TMEM182: variants seen among roughly 807,000 people sequenced by gnomAD.
The protein encoded by TMEM182 is transmembrane protein 182.
TMEM182 carries 20 observed loss-of-function variants against 26.8 expected under a neutral mutation model. The observed-to-expected ratio is 0.75, with a 90% CI of 0.53 to 1.09. TMEM182 has a LOEUF of 1.09. Ranked by LOEUF, TMEM182 falls within the 50% of genes least tolerant of loss-of-function variation. The pLI is 0.00. For synonymous variants in TMEM182, 109 were observed against 102.2 expected, an observed-to-expected ratio of 1.07 and a Z score of -0.40; for missense variants, 277 against 275.5, an observed-to-expected ratio of 1.01 and a Z score of -0.04.
downstream of TMEM182, among the ~76,000 whole-genome samples, chr2:102,821,379 G>A (rs147622525): frequency 6.6e-6 from 1 of 152,186 alleles, no homozygotes; most frequent in African/African-American, 2.4e-5. Context: ...TGCTATCCTT[G>A]CCATACTGAG....
intron 3 of TMEM182, among the ~76,000 whole-genome samples, chr2:102,832,855 T>C (rs1440932604): frequency 6.6e-6 from 1 of 152,202 alleles, no homozygotes; most frequent in East Asian, 1.9e-4. Flanking sequence ...ATTTTTTGAA[T>C]AGTTTAGAAT....
intron 3 of TMEM182, among the ~76,000 whole-genome samples, chr2:102,837,638 C>A (rs1683271919): frequency 6.6e-6 from 1 of 152,128 alleles, no homozygotes; most frequent in South Asian, 2.1e-4. Context: ...ATGGTGGATA[C>A]CAGAGCAGAA....
intron 3 of TMEM182, among the ~76,000 whole-genome samples, chr2:102,774,946 G>T (rs1044379249): frequency 3.3e-5 from 5 of 151,904 alleles, no homozygotes; most frequent in Non-Finnish European, 1.5e-5. Context: ...TAGATTATTT[G>T]TTTAAATATT....
intron 3 of TMEM182, among the ~76,000 whole-genome samples, chr2:102,790,581 CAT>C (rs901686324): frequency 1.8e-4 from 28 of 152,320 alleles, no homozygotes; most frequent in African/African-American, 5.3e-4. Context: ...GACACACACA[CAT>C]GTTAGTGTGC....
intron 4 of TMEM182, among the ~76,000 whole-genome samples, chr2:102,809,333 A>G (rs150135609): frequency 6.6e-6 from 1 of 152,324 alleles, no homozygotes; most frequent in Non-Finnish European, 1.5e-5. Flanking sequence ...CAAAAATTAC[A>G]GTAAATACAT....
At position 102,764,382 on chromosome 2, in the gene TMEM182, TTC is replaced by T; in HGVS notation, c.287_288del (p.Phe96TyrfsTer11). The T allele has an allele frequency of 6.2e-7, 1 of 1,613,976 alleles. No individual in the cohort carries two copies. The highest frequency in any genetic ancestry group is 8.5e-7 in the Non-Finnish European group (1 of 1,179,902). ...CTHAYLSPYP[F>X]MRGEHNSTSY... ...ACATGCTTACCTGTCTCCGTACCCCTTCATGAGAGGCGAGCACAACTCGACCT... is the reference window on the plus strand; with the variant it reads ...ACATGCTTACCTGTCTCCGTACCCCTATGAGAGGCGAGCACAACTCGACCT... On this transcript the variant is annotated frameshift_variant, in exon 3 of 5. Coordinates refer to ENST00000412401, the MANE Select transcript of TMEM182 (RefSeq NM_144632.5). LOFTEE classifies it high-confidence loss of function.
At chr2:102,753,202 C>CG (rs66521839) in intron 1 of TMEM182, among the ~76,000 whole-genome samples, 62 of 149,436 alleles carry the variant, frequency 4.1e-4, no homozygotes, top group Non-Finnish European at 4.0e-4. Flanking sequence ...CTTCCCCCCC[C>CG]CACTGCCTTC....
chr2:102,822,843 C>T (rs1682953481), intron 3 of TMEM182, among the ~76,000 whole-genome samples: 1 of 151,682 alleles, frequency 6.6e-6, no homozygotes, highest in Admixed American at 6.6e-5. Context: ...AAAGTAAACA[C>T]CCAGAATGTA....
chr2:102,808,345 C>G (rs1005560724), intron 4 of TMEM182, among the ~76,000 whole-genome samples: 1 of 152,072 alleles, frequency 6.6e-6, no homozygotes, highest in African/African-American at 2.4e-5. Flanking sequence ...AAAAGTTTTG[C>G]TGAGGAATTA....
At chr2:102,772,655 G>A (rs908159542) in intron 3 of TMEM182, among the ~76,000 whole-genome samples, 57 of 152,086 alleles carry the variant, frequency 3.7e-4, no homozygotes, top group African/African-American at 1.4e-3. Context: ...TCATCACCTG[G>A]TGCCATCACT....
chr2:102,798,827 G>T (rs781129604), intron 4 of TMEM182, among the ~76,000 whole-genome samples: 1 of 151,690 alleles, frequency 6.6e-6, no homozygotes, highest in Admixed American at 6.6e-5. Context: ...ATGACAGAGC[G>T]AGACTTTGTC....
At chr2:102,778,463 G>T (rs1681023452) in intron 3 of TMEM182, among the ~76,000 whole-genome samples, 1 of 151,962 alleles carries the variant, frequency 6.6e-6, no homozygotes, top group Non-Finnish European at 1.5e-5. Flanking sequence ...GGTCTGGGAA[G>T]CTGTGCCTTT....
upstream of TMEM182, chr2:102,758,596 G>A (rs1680115521): frequency 1.6e-5 from 11 of 672,376 alleles, no homozygotes; most frequent in East Asian, 2.2e-4. Flanking sequence ...AGCTTAACAA[G>A]TACCAAGCTG....
intron 3 of TMEM182, among the ~76,000 whole-genome samples, chr2:102,833,150 G>A (rs1683182046): frequency 6.6e-6 from 1 of 151,640 alleles, no homozygotes; most frequent in South Asian, 2.1e-4. Flanking sequence ...TCTCAGGCAG[G>A]TGGGAGGTTG....
At chr2:102,822,797 G>A (rs369708512) in intron 3 of TMEM182, among the ~76,000 whole-genome samples, 217 of 152,234 alleles carry the variant, frequency 1.4e-3, no homozygotes, top group African/African-American at 4.9e-3. Flanking sequence ...GCCTGCCAGC[G>A]TATGTGTGGA....
At chr2:102,798,138 A>T in intron 4 of TMEM182, 138 bp downstream of exon 4, 2 of 787,310 alleles carry the variant, frequency 2.5e-6, no homozygotes, top group Non-Finnish European at 3.5e-6. Flanking sequence ...CTTGAACACT[A>T]ACTAATAATA....
chr2:102,765,189 T>TACACAC (rs1680378086), intron 3 of TMEM182, among the ~76,000 whole-genome samples: 1 of 152,082 alleles, frequency 6.6e-6, no homozygotes, highest in Non-Finnish European at 1.5e-5. Flanking sequence ...CACATACACA[T>TACACAC]ACACACATAG....
chr2:102,788,438 G>A (rs1681490271), intron 3 of TMEM182, among the ~76,000 whole-genome samples: 1 of 152,150 alleles, frequency 6.6e-6, no homozygotes, highest in Admixed American at 6.5e-5. Context: ...TGGACACTGA[G>A]TGGCTTTGTA....
chr2:102,740,983 C>CAA (rs1679524122), intron 1 of TMEM182, among the ~76,000 whole-genome samples: 1 of 152,158 alleles, frequency 6.6e-6, no homozygotes, highest in Non-Finnish European at 1.5e-5. Flanking sequence ...TCTATGATTC[C>CAA]TTTCATATAA....
Sources: gnomAD v4.1 joint callset for allele counts (sites outside exome capture counted in the v4.1 genomes callset) on GRCh38, gnomAD v4.1.1 for gene constraint, MANE v1.5 for transcripts, NCBI Gene and HGNC (gene_info 2026-07-23, HGNC 2026-07-21) for gene names.